FERMT1: variants seen among roughly 807,000 people sequenced by gnomAD.
The protein encoded by FERMT1 is FERM domain containing kindlin 1, also known as fermitin family homolog 1.
Under a neutral mutation model 85.3 loss-of-function variants are expected in FERMT1, and 60 were observed. The ratio of observed to expected loss-of-function variants is 0.70; its 90% CI spans 0.57 to 0.87. The LOEUF is 0.87. Among genes scored for constraint, FERMT1 ranks in the 40% least tolerant of loss-of-function variants. FERMT1 has a pLI of 0.00. For synonymous variants in FERMT1, 275 were observed against 301.1 expected (o/e 0.91, Z 0.90); for missense variants, 701 against 818.9 (o/e 0.86, Z 1.76).
chr20:6,077,164 G>T lies in FERMT1; in HGVS notation c.*9C>A. 7.4e-6 allele frequency: 12 copies of T among 1,613,414 alleles called. No individual in the cohort carries two copies. The highest frequency in any genetic ancestry group is 9.3e-6 in the Non-Finnish European group (11 of 1,180,008). The stretch of plus-strand genomic sequence containing the variant: ...CCTTGTTGGTGTGAGCCGAGCACGC[G>T]TGCTTGTTTCAATCCTGACCGCCGG... On this transcript the variant is annotated 3_prime_UTR_variant, in exon 15 of 15. Coordinates refer to ENST00000217289, the MANE Select transcript of FERMT1 (RefSeq NM_017671.5).
At chr20:6,091,967 C>T (rs1753617253) in intron 9 of FERMT1, among the ~76,000 whole-genome samples, 1 of 144,486 alleles carries the variant, frequency 6.9e-6, no homozygotes. Context: ...GACAGGGTTT[C>T]ACTCTGTTGC....
At chr20:6,081,158 C>T (rs948406264) in intron 13 of FERMT1, among the ~76,000 whole-genome samples, 11 of 151,796 alleles carry the variant, frequency 7.2e-5, no homozygotes, top group African/African-American at 2.4e-4. Flanking sequence ...GCTCACAAGT[C>T]GCAGCTACTT....
At chr20:6,092,362 G>T (rs188958998) in intron 9 of FERMT1, among the ~76,000 whole-genome samples, 1 of 152,034 alleles carries the variant, frequency 6.6e-6, no homozygotes, top group Non-Finnish European at 1.5e-5. Context: ...GGGCAACATG[G>T]TGAAACTCTG....
At chr20:6,100,784 T>A (rs1256823155) in intron 6 of FERMT1, among the ~76,000 whole-genome samples, 1 of 152,146 alleles carries the variant, frequency 6.6e-6, no homozygotes. Flanking sequence ...ATTAAACATT[T>A]TTAATGGTAA....
chr20:6,118,440 G>A (rs1983169028), intron 2 of FERMT1, among the ~76,000 whole-genome samples: 1 of 152,094 alleles, frequency 6.6e-6, no homozygotes, highest in African/African-American at 2.4e-5. Context: ...GTTCTATTTC[G>A]TGATCTGAGT....
intron 11 of FERMT1, among the ~76,000 whole-genome samples, chr20:6,086,362 T>C (rs1333788678): frequency 6.6e-6 from 1 of 152,222 alleles, no homozygotes; most frequent in African/African-American, 2.4e-5. Context: ...GTAGCAATCA[T>C]GGCCATTATG....
chr20:6,109,245 C>T (rs1008612271), intron 5 of FERMT1, among the ~76,000 whole-genome samples: 1 of 152,138 alleles, frequency 6.6e-6, no homozygotes, highest in East Asian at 1.9e-4. Flanking sequence ...AGTGTCAGGA[C>T]AGAGCTACAA....
At chr20:6,119,619 G>A (rs962719137) in intron 1 of FERMT1, 47 bp from the exon 2 acceptor site, 81 of 1,541,784 alleles carry the variant, frequency 5.3e-5, no homozygotes, top group Non-Finnish European at 5.9e-5. Context: ...GGAAGGAAAC[G>A]GGACTTGTCA....
In FERMT1 at chr20:6,094,921, C is replaced by A; in HGVS notation, c.1139+18G>T. The A allele has an allele frequency of 7.5e-7, 1 of 1,341,488 alleles. No homozygotes were observed. The highest frequency in any genetic ancestry group is 1.1e-6 in the Non-Finnish European group (1 of 931,856). The allele number at this position is 1,341,488 out of a possible 1,614,324, so 83.1% of individuals were successfully genotyped here. On this transcript the variant is annotated intron_variant, in intron 9 of 14. Transcript: ENST00000217289. ...CTTTGTTATGAGTAACTCCTTTTCCCCATAAAAGTTTACTTACCTAAATAA... is the reference window on the plus strand; with the variant it reads ...CTTTGTTATGAGTAACTCCTTTTCCACATAAAAGTTTACTTACCTAAATAA...
chr20:6,112,912 G>A (rs1982996209), intron 3 of FERMT1, among the ~76,000 whole-genome samples: 1 of 152,150 alleles, frequency 6.6e-6, no homozygotes, highest in South Asian at 2.1e-4. Flanking sequence ...ATGGTATAAT[G>A]TCCCCTTCAT....
chr20:6,077,585 A>T (rs145688981), intron 14 of FERMT1, among the ~76,000 whole-genome samples: 4 of 151,992 alleles, frequency 2.6e-5, no homozygotes. Context: ...AACTCCCAAC[A>T]CATTTTCTGT....
chr20:6,085,880 C>T (rs1470496890), intron 11 of FERMT1, among the ~76,000 whole-genome samples: 3 of 151,552 alleles, frequency 2.0e-5, no homozygotes, highest in African/African-American at 7.3e-5. Flanking sequence ...GTGGCTGACA[C>T]TTGTAATTCC....
At chr20:6,109,427 G>A (rs950580401) in intron 5 of FERMT1, among the ~76,000 whole-genome samples, 3 of 152,202 alleles carry the variant, frequency 2.0e-5, no homozygotes, top group Non-Finnish European at 4.4e-5. Flanking sequence ...AGCATGGGAG[G>A]ACACGGAGAC....
At chr20:6,117,928 C>T (rs2123154761) in intron 2 of FERMT1, among the ~76,000 whole-genome samples, 1 of 152,372 alleles carries the variant, frequency 6.6e-6, no homozygotes, top group Non-Finnish European at 1.5e-5. Flanking sequence ...TCCCAAAGTG[C>T]TGGGATTACA....
intron 11 of FERMT1, 22 bp from the exon 12 acceptor site, chr20:6,085,309 G>A (rs1600427959): frequency 1.2e-6 from 2 of 1,609,380 alleles, no homozygotes; most frequent in Non-Finnish European, 1.7e-6. Context: ...AGAAGGTTGA[G>A]AAGCAAGCTC....
In FERMT1 at chr20:6,077,152, A is replaced by G. The variant is rs1424861403; in HGVS notation, c.*21T>C. 3 of 1,612,574 alleles carry G rather than the reference A, an allele frequency of 1.9e-6. No individual in the cohort carries two copies. In the African/African-American group the frequency reaches 4.0e-5, roughly 22 times the overall value. ...GCCTTTGGCTTGCCTTGTTGGTGTG[A>G]GCCGAGCACGCGTGCTTGTTTCAAT... is the stretch of plus-strand genomic sequence containing the variant. On this transcript the variant is annotated 3_prime_UTR_variant, in exon 15 of 15. Coordinates refer to ENST00000217289, the MANE Select transcript of FERMT1 (RefSeq NM_017671.5).
Position 6,104,455 on chromosome 20 carries a change from G to A in FERMT1, c.849+3077C>T, listed in dbSNP as rs1035006293. On this transcript the variant is annotated intron_variant, in intron 6 of 14. Coordinates refer to ENST00000217289, the MANE Select transcript of FERMT1 (RefSeq NM_017671.5). This position sits in a 1 kb window ranked among gnomAD's most constrained non-coding sequence, Gnocchi z 4.2. ...TCTATTTATGCAGCACAGAGTAGGA[G>A]TCTTAAACTTGATTTTATCTATAGC... Among the ~76,000 whole-genome samples the A allele has an allele frequency of 6.6e-5, 10 of 152,180 alleles. No homozygotes were observed. Among genetic ancestry groups the A allele is most frequent in the Non-Finnish European group, 1.2e-4 (8 of 68,042 alleles).
At chr20:6,092,272 T>C (rs1982390784) in intron 9 of FERMT1, among the ~76,000 whole-genome samples, 1 of 152,184 alleles carries the variant, frequency 6.6e-6, no homozygotes, top group South Asian at 2.1e-4. Flanking sequence ...AGGCTGGGCA[T>C]GGTGGCTCAT....
chr20:6,086,108 C>T (rs1419630102), intron 11 of FERMT1, among the ~76,000 whole-genome samples: 1 of 151,218 alleles, frequency 6.6e-6, no homozygotes, highest in African/African-American at 2.4e-5. Context: ...CACCACTGCA[C>T]TCCAGCCTGG....
Sources: gnomAD v4.1 joint callset for allele counts (sites outside exome capture counted in the v4.1 genomes callset) on GRCh38, gnomAD v4.1.1 for gene constraint, Gnocchi (gnomAD v3.1) non-coding constraint, MANE v1.5 for transcripts, NCBI Gene and HGNC (gene_info 2026-07-23, HGNC 2026-07-21) for gene names.